ST6GALNAC5: variants seen among roughly 807,000 people sequenced by gnomAD.
ST6GALNAC5 encodes alpha-N-acetylgalactosaminide alpha-2,6-sialyltransferase 5.
Under a neutral mutation model 33.6 loss-of-function variants are expected in ST6GALNAC5, and 27 were observed. That is an observed-to-expected ratio of 0.80 (90% CI 0.59 to 1.11). The LOEUF is 1.11. Ranked by LOEUF, ST6GALNAC5 falls within the 50% of genes least tolerant of loss-of-function variation. The probability of loss-of-function intolerance (pLI) is 0.00; values close to 1 mark genes in which losing one functional copy is unlikely to be tolerated. For synonymous variants in ST6GALNAC5, 194 were observed against 171.2 expected, an observed-to-expected ratio of 1.13 and a Z score of -1.04; for missense variants, 428 against 454.0, an observed-to-expected ratio of 0.94 and a Z score of 0.52.
intron 2 of ST6GALNAC5, among the ~76,000 whole-genome samples, chr1:76,906,377 G>A (rs1181335833): frequency 7.2e-5 from 11 of 152,178 alleles, no homozygotes; most frequent in African/African-American, 2.7e-4. Flanking sequence ...GGGAAATGAA[G>A]TGGCAGTGTC....
chr1:76,903,330 A>G (rs1009755250), intron 2 of ST6GALNAC5, among the ~76,000 whole-genome samples: 3 of 152,162 alleles, frequency 2.0e-5, no homozygotes, highest in African/African-American at 7.2e-5. Context: ...CAAAATCACA[A>G]GGAAATAACT....
At chr1:76,940,200 G>A (rs1008972734) in intron 2 of ST6GALNAC5, among the ~76,000 whole-genome samples, 3 of 152,144 alleles carry the variant, frequency 2.0e-5, no homozygotes, top group South Asian at 2.1e-4. Flanking sequence ...TGGCCGGGGC[G>A]AGCAGATAGA....
At chr1:76,978,348 G>A (rs912500138) in intron 2 of ST6GALNAC5, among the ~76,000 whole-genome samples, 3 of 151,782 alleles carry the variant, frequency 2.0e-5, no homozygotes, top group African/African-American at 7.3e-5. Context: ...GTCTATTTTT[G>A]CTTTTGTTGT....
chr1:76,910,719 A>G (rs557637396), intron 2 of ST6GALNAC5, among the ~76,000 whole-genome samples: 15 of 152,220 alleles, frequency 9.9e-5, no homozygotes, highest in African/African-American at 3.6e-4. Context: ...CATATTATCA[A>G]TATTAACGTC....
chr1:76,983,699 A>G (rs1649358035), intron 2 of ST6GALNAC5, among the ~76,000 whole-genome samples: 1 of 152,240 alleles, frequency 6.6e-6, no homozygotes, highest in Non-Finnish European at 1.5e-5. Context: ...CCAAATCAAC[A>G]GGATATACAT....
chr1:76,995,653 A>G (rs1649903326), intron 2 of ST6GALNAC5: 1 of 152,006 alleles, frequency 6.6e-6, no homozygotes, highest in Admixed American at 6.6e-5. Context: ...TAACATTTCT[A>G]TGTATTTATA....
chr1:76,894,583 G>A (rs1654084687), intron 2 of ST6GALNAC5, among the ~76,000 whole-genome samples: 1 of 152,102 alleles, frequency 6.6e-6, no homozygotes, highest in South Asian at 2.1e-4. Flanking sequence ...AGCAATTGAG[G>A]TCACAGTCAA....
At chr1:76,890,949 C>T (rs957234072) in intron 2 of ST6GALNAC5, among the ~76,000 whole-genome samples, 2 of 152,000 alleles carry the variant, frequency 1.3e-5, no homozygotes, top group Non-Finnish European at 2.9e-5. Flanking sequence ...TCAAGTCTTT[C>T]CAAATGAAAA....
At position 77,065,696 on chromosome 1, in the gene ST6GALNAC5, A is replaced by C. The variant is rs1248498212; in HGVS notation, c.*2490A>C. The C allele has an allele frequency of 1.3e-5, 2 of 152,210 alleles. No homozygotes were observed. The highest frequency in any genetic ancestry group is 1.3e-4 in the Admixed American group (2 of 15,282). 9.4% of individuals were successfully genotyped at this position (152,210 alleles called of 1,614,324 possible). The stretch of plus-strand genomic sequence containing the variant: ...AACACTATTCAACACCATTAAATAT[A>C]AACTCTGATATAAAAGATGACTACA... On this transcript the variant is annotated 3_prime_UTR_variant, in exon 5 of 5. Coordinates refer to ENST00000477717, the MANE Select transcript of ST6GALNAC5 (RefSeq NM_030965.3).
intron 2 of ST6GALNAC5, among the ~76,000 whole-genome samples, chr1:77,032,985 C>T (rs1212533220): frequency 2.0e-5 from 3 of 152,184 alleles, no homozygotes; most frequent in African/African-American, 7.2e-5. Context: ...TATCACCTCA[C>T]TCTAATGAAA....
At chr1:76,982,754 GC>G (rs1649309116) in intron 2 of ST6GALNAC5, among the ~76,000 whole-genome samples, 2 of 152,148 alleles carry the variant, frequency 1.3e-5, no homozygotes, top group Non-Finnish European at 2.9e-5. Flanking sequence ...TATAAGGGCA[GC>G]CAGAAAGAAA....
intron 2 of ST6GALNAC5, among the ~76,000 whole-genome samples, chr1:76,927,469 T>C (rs1242762879): frequency 6.6e-6 from 1 of 151,972 alleles, no homozygotes; most frequent in Non-Finnish European, 1.5e-5. Flanking sequence ...GTTTCCTTTA[T>C]CACTATTGGG....
chr1:76,896,009 C>T (rs1032557564), intron 2 of ST6GALNAC5, among the ~76,000 whole-genome samples: 3 of 152,092 alleles, frequency 2.0e-5, no homozygotes, highest in Admixed American at 6.5e-5. Context: ...ACCTTTAGTC[C>T]GTTCTACTTT....
intron 2 of ST6GALNAC5, among the ~76,000 whole-genome samples, chr1:76,912,547 G>C (rs938678975): frequency 6.6e-6 from 1 of 151,576 alleles, no homozygotes; most frequent in Non-Finnish European, 1.5e-5. Flanking sequence ...CATTATTATT[G>C]TGTGGGAGTC....
chr1:76,955,353 A>C (rs1238200475), intron 2 of ST6GALNAC5, among the ~76,000 whole-genome samples: 1 of 152,150 alleles, frequency 6.6e-6, no homozygotes, highest in East Asian at 1.9e-4. Flanking sequence ...CTCTTACTCT[A>C]AAAATCTGTG....
At chr1:76,942,438 T>C (rs554851516) in intron 2 of ST6GALNAC5, among the ~76,000 whole-genome samples, 34 of 152,232 alleles carry the variant, frequency 2.2e-4, no homozygotes, top group African/African-American at 4.8e-4. Context: ...TCCAAAATCA[T>C]TGGAGCAGTT....
chr1:76,993,312 A>T (rs1355902831), intron 2 of ST6GALNAC5, among the ~76,000 whole-genome samples: 3 of 152,146 alleles, frequency 2.0e-5, no homozygotes, highest in East Asian at 3.9e-4. Context: ...GCTGTATTGT[A>T]GTTTTCTTTG....
chr1:76,958,027 T>TA (rs2100346121), intron 2 of ST6GALNAC5, among the ~76,000 whole-genome samples: 1 of 152,270 alleles, frequency 6.6e-6, no homozygotes, highest in East Asian at 1.9e-4. Flanking sequence ...TGTCTGATCA[T>TA]TTCTTCATTA....
rs75609134 is a variant in ST6GALNAC5 at position 76,931,807 on chromosome 1, C to T, written c.261+63065C>T. ...GGAATACTGAAATGGATTAAATCAC[C>T]TGATCATCTGTAGACATTAAAGAAG... On this transcript the variant is annotated intron_variant, in intron 2 of 4. Coordinates refer to ENST00000477717, the MANE Select transcript of ST6GALNAC5 (RefSeq NM_030965.3). 1.6e-3 allele frequency among the ~76,000 whole-genome samples: 244 copies of T among 152,108 alleles called. 4 individuals carry two copies. The East Asian group carries it at 0.035, about 22-fold the overall frequency.
Sources: allele counts gnomAD v4.1 joint callset (sites outside exome capture counted in the v4.1 genomes callset), GRCh38; gene constraint gnomAD v4.1.1; transcripts MANE v1.5; gene names NCBI Gene and HGNC (gene_info 2026-07-23, HGNC 2026-07-21).